Variants in PLXNA2 observed in about 807,000 individuals in gnomAD.
PLXNA2 encodes the protein plexin-A2.
In PLXNA2, 91 loss-of-function variants were observed where a neutral mutation model predicts 193.5. That is an observed-to-expected ratio of 0.47 (90% CI 0.40 to 0.56). The LOEUF (loss-of-function observed/expected upper bound fraction) is 0.56, where lower values mean the gene tolerates loss of function less well. Among genes scored for constraint, PLXNA2 ranks in the 20% least tolerant of loss-of-function variants. The pLI, the probability that PLXNA2 is intolerant of heterozygous loss-of-function variation, is 0.00. For missense variants in PLXNA2, 1,995 were observed against 2,503.2 expected, an observed-to-expected ratio of 0.80 and a Z score of 4.33; for synonymous variants, 997 against 1,027.3, an observed-to-expected ratio of 0.97 and a Z score of 0.56.
rs1664736811 is a variant in PLXNA2, at chr1:208,038,255, G to A, written c.4764+116C>T. 1.4e-6 allele frequency: 1 copy of A among 737,048 alleles called. No individual in the cohort carries two copies. Among genetic ancestry groups the A allele is most frequent in the Non-Finnish European group, 2.5e-6 (1 of 404,856 alleles). The allele number at this position is 737,048 out of a possible 1,614,324, so 45.7% of individuals were successfully genotyped here. A position where few individuals can be genotyped will look rare whatever the true frequency, so the allele number is the denominator to read the frequency against. On this transcript the variant is annotated intron_variant, in intron 26 of 31. Coordinates refer to ENST00000367033, the MANE Select transcript of PLXNA2 (RefSeq NM_025179.4). The surrounding 1 kb of genome is among the most constrained non-coding windows in gnomAD (Gnocchi z 4.1). ...GAATCCCTGTTCTATGCTCCAGCAGGAGGAGGAAAGCAGGGAGAGGAAAAT... is the reference window on the plus strand; with the variant it reads ...GAATCCCTGTTCTATGCTCCAGCAGAAGGAGGAAAGCAGGGAGAGGAAAAT...
intron 3 of PLXNA2, among the ~76,000 whole-genome samples, chr1:208,190,864 A>G (rs1425170853): frequency 6.6e-6 from 1 of 152,166 alleles, no homozygotes; most frequent in East Asian, 1.9e-4. Context: ...ACACTCTAAT[A>G]ATGGGCGTTG....
At position 208,217,312 on chromosome 1, in the gene PLXNA2, G is replaced by A. The variant is rs1671165941; in HGVS notation, c.611C>T (p.Pro204Leu). 1 of 1,614,066 alleles carries A rather than the reference G, an allele frequency of 6.2e-7. No individual in the cohort carries two copies. Among genetic ancestry groups the A allele is most frequent in the Non-Finnish European group, 8.5e-7 (1 of 1,180,022 alleles). ...YFPTLSSRKL[P>L]RDPESSAMLD... ...CATGGCTGAGGACTCAGGGTCTCGG[G>A]GCAGCTTCCGGCTGGACAGGGTCGG... The change falls in exon 2 of 32, where the codon CCC (proline) becomes CTC (leucine). Residue 204 changes from proline to leucine, a missense_variant. Physicochemically the swap from Pro to Leu is moderately conservative, Grantham distance 98. Coordinates refer to ENST00000367033, the MANE Select transcript of PLXNA2 (RefSeq NM_025179.4). This position sits in a 1 kb window ranked among gnomAD's most constrained non-coding sequence, Gnocchi z 4.7.
At chr1:208,204,198 T>C (rs943967489) in intron 3 of PLXNA2, among the ~76,000 whole-genome samples, 3 of 152,168 alleles carry the variant, frequency 2.0e-5, no homozygotes, top group African/African-American at 4.8e-5. Flanking sequence ...TCCCCAGAGC[T>C]TGGAAAGTCT....
intron 1 of PLXNA2, among the ~76,000 whole-genome samples, chr1:208,219,755 G>T (rs1218757569): frequency 6.6e-6 from 1 of 152,152 alleles, no homozygotes; most frequent in Admixed American, 6.5e-5. Flanking sequence ...ACTCCCCCAG[G>T]GTGTTCGGGG....
intron 3 of PLXNA2, among the ~76,000 whole-genome samples, chr1:208,145,647 A>G (rs563091999): frequency 1.5e-4 from 23 of 152,276 alleles, no homozygotes; most frequent in Middle Eastern, 3.4e-3. Flanking sequence ...GCAAGATTAG[A>G]GCTGGAGTTG....
chr1:208,085,642 C>T (rs1440813609), intron 9 of PLXNA2, among the ~76,000 whole-genome samples: 1 of 152,272 alleles, frequency 6.6e-6, no homozygotes, highest in Non-Finnish European at 1.5e-5. Flanking sequence ...CAGCCTCACA[C>T]AGGGAATCTC....
chr1:208,115,671 A>G (rs1470469298), intron 4 of PLXNA2, among the ~76,000 whole-genome samples: 1 of 152,172 alleles, frequency 6.6e-6, no homozygotes, highest in East Asian at 1.9e-4. Flanking sequence ...CTGTGTAGAC[A>G]TTAAGTTCAC....
intron 12 of PLXNA2, among the ~76,000 whole-genome samples, chr1:208,076,887 T>C (rs575756622): frequency 2.0e-5 from 3 of 152,222 alleles, no homozygotes; most frequent in Non-Finnish European, 2.9e-5. Context: ...TTATGTAAGA[T>C]GTTAACTTTG....
chr1:208,127,723 A>T (rs910213025), intron 4 of PLXNA2, among the ~76,000 whole-genome samples: 1 of 152,212 alleles, frequency 6.6e-6, no homozygotes, highest in Non-Finnish European at 1.5e-5. Flanking sequence ...ATGAGGGGCC[A>T]AGAGAGAGAG....
chr1:208,121,695 G>A (rs1403704481), intron 4 of PLXNA2, among the ~76,000 whole-genome samples: 1 of 152,094 alleles, frequency 6.6e-6, no homozygotes, highest in Non-Finnish European at 1.5e-5. Flanking sequence ...AAATTACCCA[G>A]TCTCGAGCAT....
chr1:208,042,049 C>T, intron 22 of PLXNA2, 49 bp downstream of exon 22: 2 of 1,588,750 alleles, frequency 1.3e-6, no homozygotes, highest in Non-Finnish European at 1.7e-6. Context: ...GGTGCTCTGT[C>T]CAGGTTCAGA....
chr1:208,069,618 G>C (rs1558175913), intron 12 of PLXNA2, among the ~76,000 whole-genome samples: 1 of 152,146 alleles, frequency 6.6e-6, no homozygotes, highest in African/African-American at 2.4e-5. Flanking sequence ...CAGGTGGGCT[G>C]TTCCTAGGTT....
intron 3 of PLXNA2, among the ~76,000 whole-genome samples, chr1:208,152,712 CA>C (rs1558218247): frequency 3.3e-5 from 5 of 151,864 alleles, no homozygotes; most frequent in African/African-American, 1.2e-4. Context: ...CACACACACA[CA>C]CACACCACCT....
At chr1:208,200,459 C>T (rs1007341915) in intron 3 of PLXNA2, among the ~76,000 whole-genome samples, 1 of 151,992 alleles carries the variant, frequency 6.6e-6, no homozygotes, top group African/African-American at 2.4e-5. Context: ...AAGTATTTGT[C>T]GTTCTGGTTC....
Position 208,044,439 on chromosome 1 carries a change from G to A in PLXNA2, c.3874+69C>T, listed in dbSNP as rs1372981108. 5.6e-6 allele frequency: 6 copies of A among 1,079,898 alleles called. No individual in the cohort carries two copies. The highest frequency in any genetic ancestry group is 2.6e-5 in the South Asian group (2 of 77,566). The allele number at this position is 1,079,898 out of a possible 1,614,324, so 66.9% of individuals were successfully genotyped here. A position where few individuals can be genotyped will look rare whatever the true frequency, so the allele number is the denominator to read the frequency against. ...ATGGGAGTAAAGATAGGAGTTGTCT[G>A]CAGGGAGAAGGGCAATAAGGCAGGT... On this transcript the variant is annotated intron_variant, in intron 20 of 31. Transcript: ENST00000367033. This position sits in a 1 kb window ranked among gnomAD's most constrained non-coding sequence, Gnocchi z 4.9.
Position 208,217,518 on chromosome 1 carries a change from C to T in PLXNA2, c.405G>A (p.Gly135=). Reference sequence around the variant, plus strand: ...CATCCAGCCGCAGCAGCTTGCAGACCCCCTGGTAGAGGCTCCCACAGGCCA... The same window carrying T: ...CATCCAGCCGCAGCAGCTTGCAGACTCCCTGGTAGAGGCTCCCACAGGCCA... ...RLLACGSLYQ[G]VCKLLRLDDL... The change falls in exon 2 of 32, where the codon GGG becomes GGA. Residue 135 remains glycine, a synonymous_variant. Coordinates refer to ENST00000367033, the MANE Select transcript of PLXNA2 (RefSeq NM_025179.4). The surrounding 1 kb of genome is among the most constrained non-coding windows in gnomAD (Gnocchi z 4.7). The T allele has an allele frequency of 1.2e-6, 2 of 1,614,162 alleles. No homozygotes were observed. Among genetic ancestry groups the T allele is most frequent in the Non-Finnish European group, 1.7e-6 (2 of 1,180,042 alleles).
intron 3 of PLXNA2, among the ~76,000 whole-genome samples, chr1:208,177,979 A>C (rs1669711298): frequency 6.6e-6 from 1 of 152,242 alleles, no homozygotes; most frequent in South Asian, 2.1e-4. Context: ...TCTTACTGCA[A>C]AACAGGGGCC....
intron 1 of PLXNA2, among the ~76,000 whole-genome samples, chr1:208,229,875 G>T (rs981288845): frequency 6.6e-6 from 1 of 152,228 alleles, no homozygotes; most frequent in Non-Finnish European, 1.5e-5. Context: ...CCAGAACAGG[G>T]TCTTCAACAA....
chr1:208,069,992 AG>A (rs1380464549), intron 12 of PLXNA2, among the ~76,000 whole-genome samples: 4 of 152,306 alleles, frequency 2.6e-5, no homozygotes, highest in African/African-American at 7.2e-5. Flanking sequence ...TGTCCCAGAG[AG>A]GTTAAGTAAC....
Sources: gnomAD v4.1 joint callset for allele counts (sites outside exome capture counted in the v4.1 genomes callset) on GRCh38, gnomAD v4.1.1 for gene constraint, Gnocchi (gnomAD v3.1) non-coding constraint, MANE v1.5 for transcripts, NCBI Gene and HGNC (gene_info 2026-07-23, HGNC 2026-07-21) for gene names.